SEZ6L: variants seen among roughly 807,000 people sequenced by gnomAD.
SEZ6L encodes seizure related 6 homolog like.
Under a neutral mutation model 106.2 loss-of-function variants are expected in SEZ6L, and 37 were observed. The observed-to-expected ratio is 0.35, with a 90% CI of 0.27 to 0.46. SEZ6L has a LOEUF of 0.46. SEZ6L is among the 20% of genes least tolerant of loss of function. SEZ6L has a pLI of 1.00. For synonymous variants in SEZ6L, 541 were observed against 570.4 expected (o/e 0.95, Z 0.73); for missense variants, 1,172 against 1,332.8 (o/e 0.88, Z 1.88).
At chr22:26,243,925 G>A (rs2079230547) in intron 1 of SEZ6L, among the ~76,000 whole-genome samples, 1 of 152,110 alleles carries the variant, frequency 6.6e-6, no homozygotes, top group Non-Finnish European at 1.5e-5. Flanking sequence ...CACTTTGGGA[G>A]GCCGAGGTGG....
In SEZ6L at chr22:26,304,368, AGAAG is replaced by A. The variant is rs1384628991; in HGVS notation, c.1349-1610_1349-1607del. On this transcript the variant is annotated intron_variant, in intron 5 of 16. Coordinates refer to ENST00000248933, the MANE Select transcript of SEZ6L (RefSeq NM_021115.5). ...GTTTGTCTCAAAAAAAAAAAAAGAA[AGAAG>A]AAAGAAAGAAAGAAAGAAAGAAAGA... Among the ~76,000 whole-genome samples, 2 of 77,408 alleles carry A rather than the reference AGAAG, an allele frequency of 2.6e-5. 1 individual carries two copies. The highest frequency in any genetic ancestry group is 5.1e-5 in the Non-Finnish European group (2 of 39,264). 50.8% of individuals were successfully genotyped at this position (77,408 alleles called of 152,430 possible).
chr22:26,294,867 C>T (rs2081248847), intron 3 of SEZ6L, among the ~76,000 whole-genome samples: 1 of 131,994 alleles, frequency 7.6e-6, no homozygotes, highest in East Asian at 2.0e-4. Context: ...GCTTCTTTCT[C>T]TTTCTCTTTC....
chr22:26,294,527 T>A, intron 3 of SEZ6L, 102 bp downstream of exon 3: 1 of 1,270,598 alleles, frequency 7.9e-7, no homozygotes, highest in Non-Finnish European at 1.1e-6. Context: ...AGTTTGGTTC[T>A]GTCTTTGCCC....
intron 1 of SEZ6L, among the ~76,000 whole-genome samples, chr22:26,238,006 T>C (rs903965138): frequency 2.0e-5 from 3 of 152,160 alleles, no homozygotes; most frequent in African/African-American, 7.2e-5. Flanking sequence ...CCCAGGATTA[T>C]TGTTGATAAA....
In SEZ6L at chr22:26,292,919, C is replaced by T. The variant is rs1361166023; in HGVS notation, c.608C>T (p.Ser203Phe). 6.2e-7 allele frequency: 1 copy of T among 1,614,204 alleles called. No individual in the cohort carries two copies. The highest frequency in any genetic ancestry group is 1.7e-5 in the Admixed American group (1 of 60,028). The change falls in exon 2 of 17, where the codon TCC becomes TTC. Residue 203 changes from serine to phenylalanine, a missense_variant. By Grantham distance (155) the Ser-to-Phe change is radical. Coordinates refer to ENST00000248933, the MANE Select transcript of SEZ6L (RefSeq NM_021115.5). ...VPTTPAPLQI[S>F]PFTSQPYVAH... ...ACAACACCCGCACCCCTGCAAATCT[C>T]CCCCTTCACTTCGCAGCCCTATGTG...
chr22:26,300,772 C>T (rs902624350), intron 5 of SEZ6L, among the ~76,000 whole-genome samples: 5 of 152,202 alleles, frequency 3.3e-5, no homozygotes, highest in Non-Finnish European at 5.9e-5. Flanking sequence ...GTCCCACCAA[C>T]AGTGTAAAAG....
At chr22:26,311,014 A>C (rs781096441) in intron 7 of SEZ6L, among the ~76,000 whole-genome samples, 178 bp downstream of exon 7, 1 of 152,236 alleles carries the variant, frequency 6.6e-6, no homozygotes, top group Non-Finnish European at 1.5e-5. Context: ...AATGCCTATC[A>C]TTAACTGTGC....
intron 9 of SEZ6L, among the ~76,000 whole-genome samples, chr22:26,324,101 C>A (rs55888633): frequency 0.081 from 11,282 of 138,858 alleles, 424 homozygotes; most frequent in Middle Eastern, 0.16. Context: ...CACACACACA[C>A]AAACACACAC....
intron 1 of SEZ6L, among the ~76,000 whole-genome samples, chr22:26,274,911 T>C (rs1601345047): frequency 6.6e-6 from 1 of 152,214 alleles, no homozygotes; most frequent in Non-Finnish European, 1.5e-5. Flanking sequence ...GTCTCCAGCC[T>C]CTCCAGAGGT....
At chr22:26,313,668 C>T (rs1022658986) in intron 8 of SEZ6L, 96 bp from the exon 9 acceptor site, 128 of 1,449,428 alleles carry the variant, frequency 8.8e-5, no homozygotes, top group Admixed American at 3.5e-4. Flanking sequence ...CAGAGATTCA[C>T]GGCTGTCTGA....
chr22:26,190,871 A>G (rs545714263), intron 1 of SEZ6L, among the ~76,000 whole-genome samples: 5 of 152,290 alleles, frequency 3.3e-5, no homozygotes, highest in African/African-American at 1.2e-4. Flanking sequence ...AAAGGAACTG[A>G]GTGTGTGCTA....
chr22:26,204,793 A>T (rs1343925340), intron 1 of SEZ6L, among the ~76,000 whole-genome samples: 1 of 152,212 alleles, frequency 6.6e-6, no homozygotes, highest in African/African-American at 2.4e-5. Flanking sequence ...TTTGCCAAAG[A>T]CAGGAGCAGA....
At chr22:26,347,071 C>T (rs1207884248) in intron 10 of SEZ6L, among the ~76,000 whole-genome samples, 1 of 151,548 alleles carries the variant, frequency 6.6e-6, no homozygotes, top group Non-Finnish European at 1.5e-5. Context: ...TGGTACATGA[C>T]TGTGGTCCCA....
intron 1 of SEZ6L, 138 bp from the exon 2 acceptor site, chr22:26,292,268 G>C: frequency 1.6e-6 from 1 of 612,732 alleles, no homozygotes; most frequent in Non-Finnish European, 2.9e-6. Flanking sequence ...GGGAGGGAGG[G>C]AGAAAGGAGA....
intron 9 of SEZ6L, among the ~76,000 whole-genome samples, chr22:26,339,872 T>C (rs1448572582): frequency 6.6e-6 from 1 of 152,188 alleles, no homozygotes; most frequent in African/African-American, 2.4e-5. Context: ...TGATTCTTCT[T>C]ACAATGCAGC....
At chr22:26,352,056 G>A (rs1210986771) in intron 12 of SEZ6L, among the ~76,000 whole-genome samples, 2 of 151,920 alleles carry the variant, frequency 1.3e-5, no homozygotes, top group African/African-American at 4.8e-5. Flanking sequence ...AGCTGCTCAG[G>A]AGGCTGAGGT....
chr22:26,357,906 G>C (rs911902954), intron 12 of SEZ6L, among the ~76,000 whole-genome samples: 2 of 152,160 alleles, frequency 1.3e-5, no homozygotes, highest in Non-Finnish European at 2.9e-5. Flanking sequence ...ATCCGGCAAG[G>C]GTTTTATGAG....
rs748983148 is a variant in SEZ6L, at chr22:26,292,594, G to C, written c.283G>C (p.Asp95His). 3 of 1,613,392 alleles carry C rather than the reference G, an allele frequency of 1.9e-6. No homozygotes were observed. The highest frequency in any genetic ancestry group is 2.5e-6 in the Non-Finnish European group (3 of 1,179,802). The change falls in exon 2 of 17, where the codon GAC becomes CAC. Residue 95 changes from aspartate (D) to histidine (H), a missense_variant. Around this residue, in one of 4 missense-constraint regions of SEZ6L, gnomAD observed 494 missense variants for 445.8 expected, o/e 1.11. Coordinates refer to ENST00000248933, the MANE Select transcript of SEZ6L (RefSeq NM_021115.5). ...TGGGACCGCACCCTCTGCACATCACGACATCCCAGCCCTGTCACCGCTGCT... is the reference window on the plus strand; with the variant it reads ...TGGGACCGCACCCTCTGCACATCACCACATCCCAGCCCTGTCACCGCTGCT... ...LDGTAPSAHH[D>H]IPALSPLLPE... is the part of the protein sequence containing the mutation.
At chr22:26,212,551 T>C (rs746821249) in intron 1 of SEZ6L, among the ~76,000 whole-genome samples, 22 of 152,136 alleles carry the variant, frequency 1.4e-4, no homozygotes, top group South Asian at 1.2e-3. Context: ...GCCTCCTGAG[T>C]AGCTGGGACC....
Sources: allele counts gnomAD v4.1 joint callset (sites outside exome capture counted in the v4.1 genomes callset), GRCh38; gene constraint gnomAD v4.1.1; regional missense constraint gnomAD v4.1.1; transcripts MANE v1.5; gene names NCBI Gene and HGNC (gene_info 2026-07-23, HGNC 2026-07-21).